The following DACT3 variants were observed in gnomAD, a reference collection of about 807,000 sequenced individuals.
The protein encoded by DACT3 is dishevelled binding antagonist of beta catenin 3, also known as dapper homolog 3.
Under a neutral mutation model 19.6 loss-of-function variants are expected in DACT3, and 5 were observed. The ratio of observed to expected loss-of-function variants is 0.26; its 90% CI spans 0.13 to 0.54. The LOEUF is 0.54. DACT3 is among the 20% of genes least tolerant of loss of function. The pLI is 0.95. For missense variants in DACT3, 908 were observed against 927.4 expected (o/e 0.98, Z 0.27); for synonymous variants, 454 against 428.1 (o/e 1.06, Z -0.75).
intron 1 of DACT3, chr19:46,654,762 C>T: frequency 1.0e-6 from 1 of 985,386 alleles, no homozygotes; most frequent in Non-Finnish European, 1.2e-6. Context: ...TTTGGGAGGG[C>T]AGGCACCCAA....
rs76036560 is a variant in DACT3 at position 46,654,164 on chromosome 19, G to A, written c.250-1089C>T. The A allele has an allele frequency of 1.5e-3, 1,508 of 985,306 alleles. 29 individuals carry two copies. The East Asian group carries it at 0.037, about 24-fold the overall frequency. 61.0% of individuals were successfully genotyped at this position (985,306 alleles called of 1,614,324 possible). A position where few individuals can be genotyped will look rare whatever the true frequency, so the allele number is the denominator to read the frequency against. On this transcript the variant is annotated intron_variant, in intron 1 of 3. Coordinates refer to ENST00000391916, the MANE Select transcript of DACT3 (RefSeq NM_145056.3). ...CACTCCCACCAGGAAGCTCCAGTGA[G>A]TCTACCTTTCCTCATCGCCATGAGA...
rs1382000600 is a variant in DACT3, at chr19:46,660,760, C to T, written c.249+56G>A. On this transcript the variant is annotated intron_variant, in intron 1 of 3. Transcript: ENST00000391916. This position sits in a 1 kb window ranked among gnomAD's most constrained non-coding sequence, Gnocchi z 4.9. Reference sequence around the variant, plus strand: ...CCCGCCCGGTGTCTGAGCATCCAACCGAGACAGACAGACACAGACGGGGGT... The same window carrying T: ...CCCGCCCGGTGTCTGAGCATCCAACTGAGACAGACAGACACAGACGGGGGT... The T allele has an allele frequency of 2.1e-6, 3 of 1,420,896 alleles. No homozygotes were observed. In the Admixed American group the frequency reaches 8.5e-5, roughly 40 times the overall value. 88.0% of individuals were successfully genotyped at this position (1,420,896 alleles called of 1,614,324 possible). A position where few individuals can be genotyped will look rare whatever the true frequency, so the allele number is the denominator to read the frequency against.
In DACT3 at chr19:46,649,570, G is replaced by T. The variant is rs189187210; in HGVS notation, c.802C>A (p.Pro268Thr). The T allele has an allele frequency of 3.8e-5, 41 of 1,080,394 alleles. No homozygotes were observed. The East Asian group carries it at 2.6e-3, about 67-fold the overall frequency. 66.9% of individuals were successfully genotyped at this position (1,080,394 alleles called of 1,614,324 possible). A position where few individuals can be genotyped will look rare whatever the true frequency, so the allele number is the denominator to read the frequency against. ...TCCGCGCCCCCGGGACTGGTCCGGG[G>T]CTGGCCCGCCCCCCGGCGGCGGCGC... The part of the protein sequence containing the change: ...RRRRRRGAGQ[P>T]RTSPGGADGG... Residue 268 changes from proline (P) to threonine (T), a missense_variant, in exon 4 of 4, where the codon CCC becomes ACC. Pro to Thr is a conservative substitution (Grantham distance 38, BLOSUM62 -1). Transcript: ENST00000391916.
At chr19:46,659,540 G>A (rs1026148809) in intron 1 of DACT3, 14 of 639,144 alleles carry the variant, frequency 2.2e-5, no homozygotes, top group Middle Eastern at 7.9e-4. Context: ...GGGAGGGGGT[G>A]GGGCCTCCCA....
intron 1 of DACT3, among the ~76,000 whole-genome samples, chr19:46,657,868 A>G (rs965579092): frequency 6.6e-6 from 1 of 152,050 alleles, no homozygotes; most frequent in South Asian, 2.1e-4. Context: ...CCTGGCCAAC[A>G]TGGTGAAAGC....
At position 46,649,671 on chromosome 19, in the gene DACT3, C is replaced by A. The variant is rs1411658961; in HGVS notation, c.701G>T (p.Arg234Leu). The change falls in exon 4 of 4, where the codon CGC (arginine) becomes CTC (leucine). Residue 234 changes from arginine to leucine, a missense_variant. By Grantham distance (102) the Arg-to-Leu change is moderately radical. This residue lies in a region of DACT3 where 656 missense variants were observed against 601.8 expected (regional missense o/e 1.09). Coordinates refer to ENST00000391916, the MANE Select transcript of DACT3 (RefSeq NM_145056.3). ...VAMRSPRPCG[R>L]PPTDSPDAGG... is the part of the protein sequence containing the mutation. The stretch of plus-strand genomic sequence containing the variant: ...CGCGTCGGGCGAGTCGGTGGGAGGG[C>A]GGCCGCAGGGCCGCGGGCTGCGCAT... 2.6e-6 allele frequency: 3 copies of A among 1,170,050 alleles called. No homozygotes were observed. Among genetic ancestry groups the A allele is most frequent in the Non-Finnish European group, 3.2e-6 (3 of 949,222 alleles). 72.5% of individuals were successfully genotyped at this position (1,170,050 alleles called of 1,614,324 possible). A position where few individuals can be genotyped will look rare whatever the true frequency, so the allele number is the denominator to read the frequency against.
At chr19:46,654,808 C>T (rs1599791712) in intron 1 of DACT3, 1 of 985,286 alleles carries the variant, frequency 1.0e-6, no homozygotes, top group Non-Finnish European at 1.2e-6. Context: ...TGGCCGGCTC[C>T]CCGGCAGCCA....
At position 46,647,614 on chromosome 19, in the gene DACT3, T is replaced by C. The variant is rs2052931388; in HGVS notation, c.*868A>G. ...TCATTCAGTGAGAGTCCACCACATA[T>C]GTTACACTGTGCATTTATTTACAAA... On this transcript the variant is annotated 3_prime_UTR_variant, in exon 4 of 4. Transcript: ENST00000391916. 1.3e-5 allele frequency: 2 copies of C among 152,560 alleles called. No homozygotes were observed. Among genetic ancestry groups the C allele is most frequent in the Admixed American group, 6.5e-5 (1 of 15,268 alleles). The allele number at this position is 152,560 out of a possible 1,614,324, so 9.5% of individuals were successfully genotyped here.
Position 46,648,596 on chromosome 19 carries a change from T to C in DACT3, c.1776A>G (p.Ala592=), listed in dbSNP as rs768234850. The C allele has an allele frequency of 1.2e-6, 2 of 1,613,432 alleles. No homozygotes were observed. The highest frequency in any genetic ancestry group is 1.7e-6 in the Non-Finnish European group (2 of 1,179,750). Residue 592 remains alanine, a synonymous_variant, in exon 4 of 4, where the codon GCA becomes GCG. Coordinates refer to ENST00000391916, the MANE Select transcript of DACT3 (RefSeq NM_145056.3). This position sits in a 1 kb window ranked among gnomAD's most constrained non-coding sequence, Gnocchi z 5.1. Reference sequence around the variant, plus strand: ...CTTTGGCGGGGCCTGCGGGCGCCCCTGCACCTGCTCCACCCCCAGAGGCCG... The same window carrying C: ...CTTTGGCGGGGCCTGCGGGCGCCCCCGCACCTGCTCCACCCCCAGAGGCCG... The part of the protein sequence containing the change: ...ATAASGGGAG[A]GAPAGPAKVF...
chr19:46,653,130 G>T, intron 1 of DACT3, 55 bp from the exon 2 acceptor site: 1 of 1,541,934 alleles, frequency 6.5e-7, no homozygotes, highest in Non-Finnish European at 8.7e-7. Context: ...TCTGCCGACT[G>T]GTCCCCTATT....
Position 46,660,331 on chromosome 19 carries a change from C to G in DACT3, c.249+485G>C, listed in dbSNP as rs1287577935. 1 of 154,206 alleles carries G rather than the reference C, an allele frequency of 6.5e-6. No individual in the cohort carries two copies. The highest frequency in any genetic ancestry group is 6.5e-5 in the Admixed American group (1 of 15,298). The allele number at this position is 154,206 out of a possible 1,614,324, so 9.6% of individuals were successfully genotyped here. The stretch of plus-strand genomic sequence containing the variant: ...CCCCCTCCAGAGATCTCCAAGCACA[C>G]CAGGACTTAGGGAAGATGGAGCCCT... On this transcript the variant is annotated intron_variant, in intron 1 of 3. Coordinates refer to ENST00000391916, the MANE Select transcript of DACT3 (RefSeq NM_145056.3). This position sits in a 1 kb window ranked among gnomAD's most constrained non-coding sequence, Gnocchi z 4.9.
chr19:46,652,351 G>A (rs571167797), intron 3 of DACT3: 2 of 417,038 alleles, frequency 4.8e-6, no homozygotes, highest in African/African-American at 2.0e-5. Context: ...TCGCTACCAC[G>A]CCCAACTAAT....
intron 1 of DACT3, among the ~76,000 whole-genome samples, chr19:46,655,248 T>G (rs1185102364): frequency 6.6e-6 from 1 of 152,204 alleles, no homozygotes; most frequent in African/African-American, 2.4e-5. Context: ...ATAGCTCCCC[T>G]GTCATTGTGT....
Position 46,649,334 on chromosome 19 carries a change from G to C in DACT3, c.1038C>G (p.Pro346=), listed in dbSNP as rs998704536. 7.3e-6 allele frequency: 9 copies of C among 1,240,848 alleles called. No individual in the cohort carries two copies. Among genetic ancestry groups the C allele is most frequent in the Admixed American group, 4.4e-5 (1 of 22,872 alleles). 76.9% of individuals were successfully genotyped at this position (1,240,848 alleles called of 1,614,324 possible). A position where few individuals can be genotyped will look rare whatever the true frequency, so the allele number is the denominator to read the frequency against. The change falls in exon 4 of 4, where the codon CCC becomes CCG. Residue 346 remains proline (P), a synonymous_variant. Coordinates refer to ENST00000391916, the MANE Select transcript of DACT3 (RefSeq NM_145056.3). ...PAAPPAAPSP[P]DSPAEGRLVK... Reference sequence around the variant, plus strand: ...CCAAGCGGCCCTCAGCCGGGCTGTCGGGGGGTGAGGGGGCGGCGGGCGGCG... The same window carrying C: ...CCAAGCGGCCCTCAGCCGGGCTGTCCGGGGGTGAGGGGGCGGCGGGCGGCG...
chr19:46,657,061 T>C (rs2053038425), intron 1 of DACT3, among the ~76,000 whole-genome samples: 1 of 152,162 alleles, frequency 6.6e-6, no homozygotes, highest in East Asian at 1.9e-4. Flanking sequence ...CAGTTTCTGT[T>C]AGGAGATATG....
intron 1 of DACT3, chr19:46,659,052 G>A (rs1367759540): frequency 1.0e-6 from 1 of 978,424 alleles, no homozygotes; most frequent in Admixed American, 6.2e-5. Flanking sequence ...GCAGGGGCTG[G>A]GGGTGGGGGG....
intron 1 of DACT3, among the ~76,000 whole-genome samples, chr19:46,659,879 G>A (rs1204082649): frequency 6.6e-6 from 1 of 152,120 alleles, no homozygotes; most frequent in Non-Finnish European, 1.5e-5. Flanking sequence ...AGGCAGGAAG[G>A]GAAGGCCAAG....
Position 46,649,503 on chromosome 19 carries a change from G to A in DACT3, c.869C>T (p.Pro290Leu), listed in dbSNP as rs986324823. The change falls in exon 4 of 4, where the codon CCC (proline) becomes CTC (leucine). Residue 290 changes from proline to leucine, a missense_variant. Physicochemically the swap from Pro to Leu is moderately conservative, Grantham distance 98. Transcript: ENST00000391916. Reference protein sequence around the residue: ...RRQNSVRQRPPDASPSPGSAR... With the variant: ...RRQNSVRQRPLDASPSPGSAR... ...GCTGCCGGGGGACGGAGACGCGTCG[G>A]GCGGCCGCTGGCGCACGCTGTTCTG... is the stretch of plus-strand genomic sequence containing the variant. The A allele has an allele frequency of 6.7e-5, 73 of 1,096,830 alleles. No individual in the cohort carries two copies. The African/African-American group carries it at 1.1e-3, about 16-fold the overall frequency. 67.9% of individuals were successfully genotyped at this position (1,096,830 alleles called of 1,614,324 possible). A position where few individuals can be genotyped will look rare whatever the true frequency, so the allele number is the denominator to read the frequency against.
rs1166970521 is a variant in DACT3 at position 46,660,129 on chromosome 19, C to T, written c.249+687G>A. The stretch of plus-strand genomic sequence containing the variant: ...ACACCCAGAGTCCAGAAGTCTCCCC[C>T]AGGCGCTGCCTCGACCTGCCTCCCC... On this transcript the variant is annotated intron_variant, in intron 1 of 3. Coordinates refer to ENST00000391916, the MANE Select transcript of DACT3 (RefSeq NM_145056.3). The surrounding 1 kb of genome is among the most constrained non-coding windows in gnomAD (Gnocchi z 4.9). 6.6e-6 allele frequency among the ~76,000 whole-genome samples: 1 copy of T among 152,174 alleles called. No homozygotes were observed. The highest frequency in any genetic ancestry group is 6.5e-5 in the Admixed American group (1 of 15,278).
Sources: gnomAD v4.1 joint callset for allele counts (sites outside exome capture counted in the v4.1 genomes callset) on GRCh38, gnomAD v4.1.1 for gene constraint, gnomAD v4.1.1 regional missense constraint, Gnocchi (gnomAD v3.1) non-coding constraint, MANE v1.5 for transcripts, NCBI Gene and HGNC (gene_info 2026-07-23, HGNC 2026-07-21) for gene names.